DLG2: variants seen among roughly 807,000 people sequenced by gnomAD.
The protein encoded by DLG2 is discs large MAGUK scaffold protein 2.
In DLG2, 45 loss-of-function variants were observed where a neutral mutation model predicts 132.5. The ratio of observed to expected loss-of-function variants is 0.34; its 90% CI spans 0.27 to 0.44. The LOEUF is 0.44. Ranked by LOEUF, DLG2 falls within the 20% of genes least tolerant of loss-of-function variation. The pLI, the probability that DLG2 is intolerant of heterozygous loss-of-function variation, is 1.00. For synonymous variants in DLG2, 424 were observed against 419.6 expected (o/e 1.01, Z -0.13); for missense variants, 1,045 against 1,196.9 (o/e 0.87, Z 1.87).
chr11:84,628,288 G>A (rs1045885156), intron 6 of DLG2, among the ~76,000 whole-genome samples: 3 of 152,014 alleles, frequency 2.0e-5, no homozygotes, highest in Non-Finnish European at 4.4e-5. Context: ...ACATTGCCAA[G>A]GAACTATTCT....
chr11:85,040,618 A>T (rs1292074579), intron 6 of DLG2, among the ~76,000 whole-genome samples: 1 of 151,976 alleles, frequency 6.6e-6, no homozygotes, highest in Non-Finnish European at 1.5e-5. Context: ...GTGAACTTTT[A>T]TAACCTCACT....
chr11:83,481,778 T>TGCAC (rs2093132129), intron 22 of DLG2, among the ~76,000 whole-genome samples: 1 of 152,126 alleles, frequency 6.6e-6, no homozygotes, highest in Non-Finnish European at 1.5e-5. Context: ...TTCATGGAGA[T>TGCAC]TATTATCTTA....
Position 84,429,542 on chromosome 11 carries a change from C to T in DLG2, c.519+105028G>A, listed in dbSNP as rs143709753. On this transcript the variant is annotated intron_variant, in intron 7 of 27. Transcript: ENST00000376104. ...ACCTTATAGATGCTAGGTGTCCAGA[C>T]CAAATAGGACAGAATTTATAATGGT... Among the ~76,000 whole-genome samples, 8 of 152,106 alleles carry T rather than the reference C, an allele frequency of 5.3e-5. No individual in the cohort carries two copies. In the East Asian group the frequency reaches 1.4e-3, roughly 26 times the overall value.
At chr11:83,612,799 A>G (rs1283473723) in intron 19 of DLG2, among the ~76,000 whole-genome samples, 2 of 150,084 alleles carry the variant, frequency 1.3e-5, no homozygotes, top group Admixed American at 6.7e-5. Context: ...TGCAAAGGAA[A>G]GGAGAAATGA....
At chr11:84,393,406 C>T (rs1004448536) in intron 7 of DLG2, among the ~76,000 whole-genome samples, 2 of 152,104 alleles carry the variant, frequency 1.3e-5, no homozygotes, top group African/African-American at 4.8e-5. Context: ...CTGTCTACAG[C>T]TAAGCACTAC....
At chr11:84,136,807 C>A (rs2094618441) in intron 9 of DLG2, among the ~76,000 whole-genome samples, 1 of 152,134 alleles carries the variant, frequency 6.6e-6, no homozygotes, top group South Asian at 2.1e-4. Context: ...CTCATTCATG[C>A]TCAATAAAAC....
chr11:84,787,770 T>C (rs1458494996), intron 6 of DLG2, among the ~76,000 whole-genome samples: 1 of 152,006 alleles, frequency 6.6e-6, no homozygotes, highest in Non-Finnish European at 1.5e-5. Flanking sequence ...TCCATTAAAC[T>C]AGTGGTTCAT....
chr11:83,644,049 CTTTG>C (rs762554631), intron 18 of DLG2, among the ~76,000 whole-genome samples: 4 of 152,070 alleles, frequency 2.6e-5, no homozygotes, highest in South Asian at 2.1e-4. Context: ...AATGAAAAGG[CTTTG>C]TTTGAGTTCC....
At chr11:83,730,802 C>G (rs976541468) in intron 18 of DLG2, among the ~76,000 whole-genome samples, 1 of 152,184 alleles carries the variant, frequency 6.6e-6, no homozygotes, top group Non-Finnish European at 1.5e-5. Flanking sequence ...TTCAAAGTCA[C>G]TTCTTTGAGA....
chr11:84,006,284 A>G (rs2094567954), intron 11 of DLG2, among the ~76,000 whole-genome samples: 1 of 151,728 alleles, frequency 6.6e-6, no homozygotes, highest in Admixed American at 6.6e-5. Context: ...GGCAGATACT[A>G]GAAGCTGGGA....
At chr11:84,964,552 C>T (rs931526405) in intron 6 of DLG2, among the ~76,000 whole-genome samples, 3 of 152,078 alleles carry the variant, frequency 2.0e-5, no homozygotes, top group African/African-American at 7.2e-5. Context: ...ATATTGTTTG[C>T]TTTGCTATAC....
At chr11:84,617,036 C>A (rs1050138038) in intron 6 of DLG2, among the ~76,000 whole-genome samples, 2 of 150,428 alleles carry the variant, frequency 1.3e-5, no homozygotes, top group South Asian at 2.1e-4. Context: ...GCAGAATGTG[C>A]AGGTTTGTTA....
intron 11 of DLG2, among the ~76,000 whole-genome samples, chr11:84,011,793 A>G (rs948729357): frequency 3.3e-5 from 5 of 152,294 alleles, no homozygotes; most frequent in Non-Finnish European, 7.4e-5. Context: ...AAGAGAGTTA[A>G]AACCTTGGCA....
At chr11:84,764,455 G>T (rs1597572032) in intron 6 of DLG2, among the ~76,000 whole-genome samples, 1 of 152,058 alleles carries the variant, frequency 6.6e-6, no homozygotes, top group African/African-American at 2.4e-5. Context: ...TTTACATAGT[G>T]CTCATTTTCT....
chr11:84,312,781 C>A (rs2098301330), intron 7 of DLG2, among the ~76,000 whole-genome samples: 2 of 152,046 alleles, frequency 1.3e-5, no homozygotes, highest in Non-Finnish European at 2.9e-5. Flanking sequence ...ACTTTCTTTA[C>A]AATTTTATTT....
chr11:84,951,160 T>C (rs1184749592), intron 6 of DLG2, among the ~76,000 whole-genome samples: 2 of 152,214 alleles, frequency 1.3e-5, no homozygotes, highest in Non-Finnish European at 1.5e-5. Context: ...AAAACTGTGC[T>C]TCTAGTTACA....
rs564580867 is a variant in DLG2 at position 83,580,806 on chromosome 11, C to T, written c.1941-38948G>A. Among the ~76,000 whole-genome samples, 691 of 137,288 alleles carry T rather than the reference C, an allele frequency of 5.0e-3. 9 individuals carry two copies. The highest frequency in any genetic ancestry group is 0.022 in the Middle Eastern group (6 of 274). The allele number at this position is 137,288 out of a possible 152,430, so 90.1% of individuals were successfully genotyped here. A position where few individuals can be genotyped will look rare whatever the true frequency, so the allele number is the denominator to read the frequency against. On this transcript the variant is annotated intron_variant, in intron 19 of 27. Coordinates refer to ENST00000376104, the MANE Select transcript of DLG2 (RefSeq NM_001142699.3). ...CAAAAACTGGCCCTCCCTCCCTCCCCTGCCCCGCCAGGCTTCCTCCCTTCC... is the reference window on the plus strand; with the variant it reads ...CAAAAACTGGCCCTCCCTCCCTCCCTTGCCCCGCCAGGCTTCCTCCCTTCC...
chr11:85,445,238 G>A (rs1044752529), intron 3 of DLG2, among the ~76,000 whole-genome samples: 1 of 152,116 alleles, frequency 6.6e-6, no homozygotes, highest in Non-Finnish European at 1.5e-5. Flanking sequence ...TGGATGGTGG[G>A]GAGAAACAAT....
intron 19 of DLG2, among the ~76,000 whole-genome samples, chr11:83,621,485 C>A (rs919756248): frequency 6.6e-6 from 1 of 152,078 alleles, no homozygotes; most frequent in Admixed American, 6.5e-5. Flanking sequence ...CCAAAGTGTC[C>A]TGCAGGTGCT....
Sources: gnomAD v4.1 joint callset for allele counts (sites outside exome capture counted in the v4.1 genomes callset) on GRCh38, gnomAD v4.1.1 for gene constraint, MANE v1.5 for transcripts, NCBI Gene and HGNC (gene_info 2026-07-23, HGNC 2026-07-21) for gene names.